Variants in SHISA9 observed in about 807,000 individuals in gnomAD.
SHISA9 encodes the protein shisa family member 9, also known as protein shisa-9.
Under a neutral mutation model 38.0 loss-of-function variants are expected in SHISA9, and 13 were observed. The observed-to-expected ratio is 0.34, with a 90% CI of 0.22 to 0.54. The LOEUF (loss-of-function observed/expected upper bound fraction) is 0.54, where lower values mean the gene tolerates loss of function less well. Ranked by LOEUF, SHISA9 falls within the 20% of genes least tolerant of loss-of-function variation. SHISA9 has a pLI of 0.91. For missense variants in SHISA9, 538 were observed against 575.8 expected, an observed-to-expected ratio of 0.93 and a Z score of 0.67; for synonymous variants, 275 against 242.0, an observed-to-expected ratio of 1.14 and a Z score of -1.27.
chr16:13,188,652 G>C (rs890317224), intron 2 of SHISA9, among the ~76,000 whole-genome samples: 2 of 150,292 alleles, frequency 1.3e-5, no homozygotes, highest in Non-Finnish European at 1.5e-5. Flanking sequence ...AGGAAGTCGA[G>C]GGTGCTGTGA....
At chr16:13,340,833 A>G in the SHISA9 span, among the ~76,000 whole-genome samples, 5 of 152,094 alleles carry the variant, frequency 3.3e-5, no homozygotes, top group African/African-American at 9.7e-5. Flanking sequence ...GCCTTTGCAC[A>G]TGCTGTTCCT....
intron 2 of SHISA9, among the ~76,000 whole-genome samples, chr16:13,194,530 T>C (rs549909386): frequency 6.6e-6 from 1 of 152,334 alleles, no homozygotes; most frequent in East Asian, 1.9e-4. Context: ...GATTAGCTAG[T>C]ATATGGAATA....
At chr16:13,399,868 A>G in the SHISA9 span, among the ~76,000 whole-genome samples, 1 of 152,210 alleles carries the variant, frequency 6.6e-6, no homozygotes, top group African/African-American at 2.4e-5. Flanking sequence ...CCACATTCTG[A>G]GTAGCATGAA....
At chr16:12,939,751 A>T (rs2071584559) in intron 2 of SHISA9, among the ~76,000 whole-genome samples, 1 of 152,090 alleles carries the variant, frequency 6.6e-6, no homozygotes, top group Middle Eastern at 3.2e-3. Flanking sequence ...CATCATAGAG[A>T]GGATAGATGT....
intron 2 of SHISA9, among the ~76,000 whole-genome samples, chr16:13,136,658 C>T (rs1333390962): frequency 1.3e-5 from 2 of 152,112 alleles, no homozygotes; most frequent in African/African-American, 2.4e-5. Context: ...CCTTGGCCTC[C>T]CAAAGTTCTG....
the SHISA9 span, among the ~76,000 whole-genome samples, chr16:13,277,206 T>C: frequency 1.4e-4 from 22 of 152,270 alleles, no homozygotes; most frequent in South Asian, 2.1e-3. Flanking sequence ...ATTTGCTTTG[T>C]TGAAGATCAG....
At chr16:13,469,703 G>T in the SHISA9 span, among the ~76,000 whole-genome samples, 2 of 152,154 alleles carry the variant, frequency 1.3e-5, no homozygotes, top group Admixed American at 6.5e-5. Context: ...CCTCCTCAGG[G>T]TAATCACAGG....
chr16:13,514,528 A>G, the SHISA9 span, among the ~76,000 whole-genome samples: 1 of 152,148 alleles, frequency 6.6e-6, no homozygotes, highest in Non-Finnish European at 1.5e-5. Flanking sequence ...AAGATATATA[A>G]AAGACCTAAC....
chr16:13,251,731 A>G, the SHISA9 span, among the ~76,000 whole-genome samples: 1 of 152,282 alleles, frequency 6.6e-6, no homozygotes, highest in African/African-American at 2.4e-5. Context: ...GATACTTTCC[A>G]AAATAAATAC....
chr16:13,420,245 CAAAAA>C, the SHISA9 span, among the ~76,000 whole-genome samples: 595 of 50,388 alleles, frequency 0.012, 15 homozygotes, highest in African/African-American at 0.045. Context: ...GAATCTGTTT[CAAAAA>C]AAAAAAAAAA....
At chr16:13,269,812 A>T in the SHISA9 span, among the ~76,000 whole-genome samples, 6 of 152,124 alleles carry the variant, frequency 3.9e-5, no homozygotes, top group African/African-American at 7.2e-5. Flanking sequence ...GAGGTGATAT[A>T]ACTTGCCCAA....
At chr16:13,241,350 T>C (rs544851654), downstream of SHISA9, among the ~76,000 whole-genome samples, 1 of 152,148 alleles carries the variant, frequency 6.6e-6, no homozygotes, top group South Asian at 2.1e-4. Context: ...TTATTAAAAA[T>C]ACAAAATTAG....
chr16:13,359,292 C>G, the SHISA9 span, among the ~76,000 whole-genome samples: 3 of 152,070 alleles, frequency 2.0e-5, no homozygotes, highest in Non-Finnish European at 4.4e-5. Flanking sequence ...ACCAGCTTGG[C>G]TATCATGGTG....
At chr16:13,433,799 A>G in the SHISA9 span, among the ~76,000 whole-genome samples, 1 of 152,218 alleles carries the variant, frequency 6.6e-6, no homozygotes, top group African/African-American at 2.4e-5. Context: ...CCTACCTTGT[A>G]TCCCCAGGAT....
the SHISA9 span, among the ~76,000 whole-genome samples, chr16:13,318,494 T>A: frequency 1.3e-5 from 2 of 152,132 alleles, no homozygotes; most frequent in African/African-American, 4.8e-5. Flanking sequence ...TCCCATCTAA[T>A]TTTGTGGTTT....
At chr16:13,051,979 G>A (rs1305336908) in intron 2 of SHISA9, among the ~76,000 whole-genome samples, 1 of 152,084 alleles carries the variant, frequency 6.6e-6, no homozygotes, top group Non-Finnish European at 1.5e-5. Flanking sequence ...TGGCCAGGCT[G>A]GTCTCGAACT....
At chr16:13,078,304 G>C (rs892395768) in intron 2 of SHISA9, among the ~76,000 whole-genome samples, 1 of 152,188 alleles carries the variant, frequency 6.6e-6, no homozygotes, top group African/African-American at 2.4e-5. Context: ...ATCGTCTCTA[G>C]GTTACTTATA....
At chr16:13,094,752 T>A (rs1037282965) in intron 2 of SHISA9, among the ~76,000 whole-genome samples, 3 of 152,166 alleles carry the variant, frequency 2.0e-5, no homozygotes, top group Non-Finnish European at 4.4e-5. Context: ...TGTTATATAG[T>A]CCACAAGGGC....
the SHISA9 span, among the ~76,000 whole-genome samples, chr16:13,330,100 T>C: frequency 6.6e-6 from 1 of 152,202 alleles, no homozygotes; most frequent in African/African-American, 2.4e-5. Context: ...TCAGTTAATG[T>C]TTGTTGTGGG....
Sources: gnomAD v4.1 joint callset for allele counts (sites outside exome capture counted in the v4.1 genomes callset) on GRCh38, gnomAD v4.1.1 for gene constraint, MANE v1.5 for transcripts, NCBI Gene and HGNC (gene_info 2026-07-23, HGNC 2026-07-21) for gene names.